THOC1: variants seen among roughly 807,000 people sequenced by gnomAD.
THOC1 encodes THO complex 1.
A neutral mutation model predicts 97.3 loss-of-function variants in THOC1; 29 were observed. The ratio of observed to expected loss-of-function variants is 0.30; its 90% CI spans 0.22 to 0.41. The LOEUF (loss-of-function observed/expected upper bound fraction) is 0.41. Ranked by LOEUF, THOC1 falls within the 10% of genes least tolerant of loss-of-function variation. The pLI is 1.00. For missense variants in THOC1, 529 were observed against 761.9 expected (o/e 0.69, Z 3.60); for synonymous variants, 255 against 257.0 (o/e 0.99, Z 0.07).
At position 225,123 on chromosome 18, in the gene THOC1, G is replaced by T; in HGVS notation, c.1103C>A (p.Pro368His). 1 of 1,577,042 alleles carries T rather than the reference G, an allele frequency of 6.3e-7. No individual in the cohort carries two copies. Among genetic ancestry groups the T allele is most frequent in the East Asian group, 2.3e-5 (1 of 43,888 alleles). Residue 368 changes from proline (P) to histidine (H), a missense_variant, in exon 14 of 21, where the codon CCC (proline) becomes CAC (histidine). By Grantham distance (77) the Pro-to-His change is moderately conservative. This residue lies in a region of THOC1 where 123 missense variants were observed against 159.0 expected (regional missense o/e 0.77). Coordinates refer to ENST00000261600, the MANE Select transcript of THOC1 (RefSeq NM_005131.3). ...KSVYQLLSEN[P>H]PDGERFSKMV... Reference sequence around the variant, plus strand: ...CTTTGAAAATCTTTCTCCATCGGGGGGGTTTTCAGATAGTAGCTGTGATTA... The same window carrying T: ...CTTTGAAAATCTTTCTCCATCGGGGTGGTTTTCAGATAGTAGCTGTGATTA...
chr18:229,348 C>T (rs1403926243), intron 11 of THOC1, among the ~76,000 whole-genome samples: 2 of 152,220 alleles, frequency 1.3e-5, no homozygotes, highest in Admixed American at 1.3e-4. Context: ...AGCTCCTCAA[C>T]CTGCTATCAT....
chr18:214,944 A>G, intron 20 of THOC1, 23 bp from the exon 21 acceptor site: 2 of 1,608,002 alleles, frequency 1.2e-6, no homozygotes, highest in Non-Finnish European at 1.7e-6. Flanking sequence ...GAGAATATAA[A>G]TTATGCGCAA....
Position 242,766 on chromosome 18 carries a change from C to T in THOC1, c.918+3558G>A, listed in dbSNP as rs138498666. Among the ~76,000 whole-genome samples, 5 of 152,264 alleles carry T rather than the reference C, an allele frequency of 3.3e-5. No individual in the cohort carries two copies. Among genetic ancestry groups the T allele is most frequent in the African/African-American group, 9.6e-5 (4 of 41,554 alleles). ...AAATCCAGACCTTTCTCATGACTTA[C>T]CAAATCTATATCAAAAGTTGAAAGT... is the stretch of plus-strand genomic sequence containing the variant. On this transcript the variant is annotated intron_variant, in intron 11 of 20. Coordinates refer to ENST00000261600, the MANE Select transcript of THOC1 (RefSeq NM_005131.3). This position sits in a 1 kb window ranked among gnomAD's most constrained non-coding sequence, Gnocchi z 4.5.
rs1598284292 is a variant in THOC1, at chr18:215,026, T to C, written c.1679-105A>G. On this transcript the variant is annotated intron_variant, in intron 20 of 20. Coordinates refer to ENST00000261600, the MANE Select transcript of THOC1 (RefSeq NM_005131.3). ...TATTAACCACCTTTAGTAGACTTTATTTTAAAAGTAAACAATTATTTTTTA... is the reference window on the plus strand; with the variant it reads ...TATTAACCACCTTTAGTAGACTTTACTTTAAAAGTAAACAATTATTTTTTA... 7.0e-6 allele frequency: 7 copies of C among 994,832 alleles called. No individual in the cohort carries two copies. The East Asian group carries it at 1.5e-4, about 21-fold the overall frequency. 61.6% of individuals were successfully genotyped at this position (994,832 alleles called of 1,614,324 possible). A position where few individuals can be genotyped will look rare whatever the true frequency, so the allele number is the denominator to read the frequency against.
intron 11 of THOC1, among the ~76,000 whole-genome samples, chr18:231,883 T>G (rs1911497389): frequency 6.6e-6 from 1 of 152,250 alleles, no homozygotes; most frequent in Admixed American, 6.5e-5. Flanking sequence ...TTTGCTATTT[T>G]CATACAACAC....
In THOC1 at chr18:247,415, C is replaced by A. The variant is rs1912130777; in HGVS notation, c.786+434G>T. Among the ~76,000 whole-genome samples the A allele has an allele frequency of 2.0e-5, 3 of 152,270 alleles. No individual in the cohort carries two copies. In the South Asian group the frequency reaches 6.2e-4, roughly 31 times the overall value. On this transcript the variant is annotated intron_variant, in intron 10 of 20. Transcript: ENST00000261600. The stretch of plus-strand genomic sequence containing the variant: ...TCTCAGTTGCAACTACTCAGCTGTG[C>A]CATTATAGTGCAAAAACAGCCACAG...
intron 17 of THOC1, among the ~76,000 whole-genome samples, chr18:221,801 G>A (rs1342286051): frequency 6.6e-6 from 1 of 151,852 alleles, no homozygotes; most frequent in Non-Finnish European, 1.5e-5. Flanking sequence ...GTAGAGACGG[G>A]GTTTCACCGT....
At chr18:223,302 G>C in intron 17 of THOC1, 138 bp downstream of exon 17, 1 of 595,960 alleles carries the variant, frequency 1.7e-6, no homozygotes, top group East Asian at 3.1e-5. Flanking sequence ...ATGGTGGGAA[G>C]TTACACGCTG....
chr18:263,679 C>T lies in THOC1; in HGVS notation c.256+347G>A, dbSNP rs145466942. On this transcript the variant is annotated intron_variant, in intron 4 of 20. Coordinates refer to ENST00000261600, the MANE Select transcript of THOC1 (RefSeq NM_005131.3). Reference sequence around the variant, plus strand: ...ACACCATAGTAAGGCATGCATACATCTGTTTCTTCCATTAGCTCCACATAA... The same window carrying T: ...ACACCATAGTAAGGCATGCATACATTTGTTTCTTCCATTAGCTCCACATAA... 809 of 195,934 alleles carry T rather than the reference C, an allele frequency of 4.1e-3. 8 individuals are homozygous for T. Among genetic ancestry groups the T allele is most frequent in the African/African-American group, 0.018 (763 of 42,594 alleles). 12.1% of individuals were successfully genotyped at this position (195,934 alleles called of 1,614,324 possible).
intron 11 of THOC1, among the ~76,000 whole-genome samples, chr18:232,122 A>G (rs2143195995): frequency 6.6e-6 from 1 of 152,274 alleles, no homozygotes; most frequent in East Asian, 1.9e-4. Flanking sequence ...CTGAGATAGG[A>G]TCTGACTCTG....
At chr18:261,903 T>G (rs7244818) in intron 4 of THOC1, among the ~76,000 whole-genome samples, 32,838 of 152,104 alleles carry the variant, frequency 0.22, 4,001 homozygotes, top group South Asian at 0.35. Flanking sequence ...CTGGGAACCA[T>G]TGGGTTATAG....
intron 9 of THOC1, among the ~76,000 whole-genome samples, chr18:251,577 C>A (rs181816421): frequency 6.6e-6 from 1 of 150,604 alleles, no homozygotes; most frequent in African/African-American, 2.4e-5. Context: ...AAAAAAAAAT[C>A]GATTCCTGGC....
chr18:221,855 G>A (rs368703299), intron 17 of THOC1, among the ~76,000 whole-genome samples: 13 of 151,932 alleles, frequency 8.6e-5, no homozygotes, highest in South Asian at 4.2e-4. Flanking sequence ...TGATCCGCCC[G>A]CCTTGGCCTC....
intron 5 of THOC1, 198 bp from the exon 6 acceptor site, chr18:259,928 C>A: frequency 1.9e-6 from 1 of 528,502 alleles, no homozygotes; most frequent in Non-Finnish European, 3.3e-6. Context: ...TACTAAGTAA[C>A]TGTTTTAAAC....
At chr18:216,869 T>TA (rs200176037) in intron 18 of THOC1, among the ~76,000 whole-genome samples, 4,622 of 152,312 alleles carry the variant, frequency 0.03, 220 homozygotes, top group African/African-American at 0.1. Flanking sequence ...GGCAGGCTCA[T>TA]ATGCAGCAAA....
At chr18:221,863 C>A (rs1911103286) in intron 17 of THOC1, among the ~76,000 whole-genome samples, 2 of 152,136 alleles carry the variant, frequency 1.3e-5, no homozygotes, top group South Asian at 4.1e-4. Context: ...CCGCCTTGGC[C>A]TCCCAAAGTG....
chr18:246,634 A>G (rs1472132421), intron 10 of THOC1, among the ~76,000 whole-genome samples, 179 bp from the exon 11 acceptor site: 1 of 152,094 alleles, frequency 6.6e-6, no homozygotes, highest in Non-Finnish European at 1.5e-5. Context: ...ATTTTGTATG[A>G]TATTTCACTT....
chr18:244,908 CCTT>C (rs35401277), intron 11 of THOC1: 6,017 of 151,990 alleles, frequency 0.04, 144 homozygotes, highest in Middle Eastern at 0.075. Flanking sequence ...GTTCTCATCA[CCTT>C]CTTCAGTTCA....
At chr18:253,833 T>C (rs1362709819) in intron 8 of THOC1, among the ~76,000 whole-genome samples, 1 of 152,178 alleles carries the variant, frequency 6.6e-6, no homozygotes, top group East Asian at 1.9e-4. Context: ...CAAAACATTA[T>C]TTCTGTAAGT....
Sources: allele counts gnomAD v4.1 joint callset (sites outside exome capture counted in the v4.1 genomes callset), GRCh38; gene constraint gnomAD v4.1.1; regional missense constraint gnomAD v4.1.1; non-coding constraint Gnocchi (gnomAD v3.1); transcripts MANE v1.5; gene names NCBI Gene and HGNC (gene_info 2026-07-23, HGNC 2026-07-21).